PCCA: variants seen among roughly 807,000 people sequenced by gnomAD.
PCCA encodes the protein propionyl-CoA carboxylase subunit alpha.
A neutral mutation model predicts 101.3 loss-of-function variants in PCCA; 74 were observed. The observed-to-expected ratio is 0.73, with a 90% CI of 0.61 to 0.89. PCCA has a LOEUF of 0.89. PCCA is among the 40% of genes least tolerant of loss of function. PCCA has a pLI of 0.00. For synonymous variants in PCCA, 294 were observed against 313.6 expected, an observed-to-expected ratio of 0.94 and a Z score of 0.66; for missense variants, 891 against 907.0, an observed-to-expected ratio of 0.98 and a Z score of 0.23.
At chr13:100,495,114 T>C (rs2085184016) in intron 21 of PCCA, among the ~76,000 whole-genome samples, 2 of 151,960 alleles carry the variant, frequency 1.3e-5, no homozygotes, top group African/African-American at 4.8e-5. Context: ...GGGAGTGCTA[T>C]GGCATCTAGT....
intron 21 of PCCA, chr13:100,491,718 C>T (rs1275667782): frequency 1.5e-6 from 2 of 1,301,502 alleles, no homozygotes; most frequent in Admixed American, 2.3e-5. Flanking sequence ...GTGGCTGGCT[C>T]AGCAGGAGGC....
chr13:100,454,145 A>G (rs1270069856), intron 21 of PCCA, among the ~76,000 whole-genome samples: 1 of 151,842 alleles, frequency 6.6e-6, no homozygotes, highest in Non-Finnish European at 1.5e-5. Flanking sequence ...AAGTGCTGGG[A>G]TTACAGGCGT....
intron 20 of PCCA, among the ~76,000 whole-genome samples, chr13:100,437,666 A>G (rs2080042209): frequency 6.6e-6 from 1 of 151,996 alleles, no homozygotes. Flanking sequence ...GTTTTAATTA[A>G]TTAGCTCTTT....
rs747593363 is a variant in PCCA, at chr13:100,530,152, G to A, written c.2173G>A (p.Val725Met). 17 of 1,613,572 alleles carry A rather than the reference G, an allele frequency of 1.1e-5. No homozygotes were observed. Among genetic ancestry groups the A allele is most frequent in the South Asian group, 4.4e-5 (4 of 91,068 alleles). Residue 725 changes from valine to methionine, a missense_variant, in exon 24 of 24, where the codon GTG (valine) becomes ATG (methionine). Coordinates refer to ENST00000376285, the MANE Select transcript of PCCA (RefSeq NM_000282.4). ...GDTVGEGDLL[V>M]ELE ...CACAGTTGGAGAAGGGGATCTGCTCGTGGAGCTGGAATGAAGGATTTATAA... is the reference window on the plus strand; with the variant it reads ...CACAGTTGGAGAAGGGGATCTGCTCATGGAGCTGGAATGAAGGATTTATAA...
chr13:100,173,465 A>AGGTGCC (rs2055916230), intron 6 of PCCA, among the ~76,000 whole-genome samples: 18 of 152,228 alleles, frequency 1.2e-4, no homozygotes, highest in Admixed American at 1.2e-3. Context: ...GATAGAAGAT[A>AGGTGCC]AAACAGCTCT....
chr13:100,520,141 G>A (rs1475673394), intron 22 of PCCA, among the ~76,000 whole-genome samples: 1 of 152,170 alleles, frequency 6.6e-6, no homozygotes, highest in Admixed American at 6.5e-5. Context: ...GAAAGTTACA[G>A]AGAAGAATCC....
At chr13:100,127,819 G>C (rs948236139) in intron 4 of PCCA, among the ~76,000 whole-genome samples, 34 of 152,182 alleles carry the variant, frequency 2.2e-4, no homozygotes, top group Admixed American at 1.8e-3. Context: ...GTGAACCTGA[G>C]AAGCAGAGCT....
At chr13:100,309,157 G>A (rs1437591710) in intron 15 of PCCA, among the ~76,000 whole-genome samples, 2 of 152,188 alleles carry the variant, frequency 1.3e-5, no homozygotes, top group Non-Finnish European at 2.9e-5. Context: ...CACTTTGGGA[G>A]GCTGAGGTAG....
At chr13:100,484,171 A>G (rs2084177404) in intron 21 of PCCA, among the ~76,000 whole-genome samples, 1 of 152,138 alleles carries the variant, frequency 6.6e-6, no homozygotes, top group Admixed American at 6.5e-5. Context: ...TCTCCGGCTC[A>G]GTATGACTAT....
chr13:100,216,127 G>T (rs921306942), intron 7 of PCCA, among the ~76,000 whole-genome samples: 2 of 147,802 alleles, frequency 1.4e-5, no homozygotes, highest in African/African-American at 5.0e-5. Context: ...CCTTTTTTGG[G>T]TTTAATCCAT....
rs868315385 is a variant in PCCA, at chr13:100,143,552, A to T, written c.301-11427A>T. On this transcript the variant is annotated intron_variant, in intron 4 of 23. Transcript: ENST00000376285. Reference sequence around the variant, plus strand: ...TCTGCATCCACAAAAAAAAAAAAATAAAAAAAAAAAATAAAAATCTTTATT... The same window carrying T: ...TCTGCATCCACAAAAAAAAAAAAATTAAAAAAAAAAATAAAAATCTTTATT... Among the ~76,000 whole-genome samples the T allele has an allele frequency of 1.1e-3, 120 of 109,588 alleles. 1 individual carries two copies. Among genetic ancestry groups the T allele is most frequent in the African/African-American group, 7.2e-3 (110 of 15,316 alleles). The allele number at this position is 109,588 out of a possible 152,430, so 71.9% of individuals were successfully genotyped here. A position where few individuals can be genotyped will look rare whatever the true frequency, so the allele number is the denominator to read the frequency against.
At chr13:100,167,902 G>A (rs1332728896) in intron 6 of PCCA, among the ~76,000 whole-genome samples, 3 of 152,034 alleles carry the variant, frequency 2.0e-5, no homozygotes, top group African/African-American at 7.3e-5. Flanking sequence ...GAGTAGCTGG[G>A]ATTATAGGCG....
intron 22 of PCCA, among the ~76,000 whole-genome samples, chr13:100,523,061 C>T (rs752548320): frequency 2.0e-5 from 3 of 152,070 alleles, no homozygotes; most frequent in East Asian, 1.9e-4. Context: ...TTTCTTTGAG[C>T]GTTCTTCGTG....
At position 100,341,957 on chromosome 13, in the gene PCCA, GTATATATATA is replaced by G. The variant is rs35822001; in HGVS notation, c.1643+1714_1643+1723del. Among the ~76,000 whole-genome samples the G allele has an allele frequency of 2.8e-3, 305 of 107,150 alleles. 11 individuals are homozygous for G. Among genetic ancestry groups the G allele is most frequent in the African/African-American group, 0.011 (267 of 23,368 alleles). 70.3% of individuals were successfully genotyped at this position (107,150 alleles called of 152,430 possible). A position where few individuals can be genotyped will look rare whatever the true frequency, so the allele number is the denominator to read the frequency against. On this transcript the variant is annotated intron_variant, in intron 18 of 23. Coordinates refer to ENST00000376285, the MANE Select transcript of PCCA (RefSeq NM_000282.4). ...TAATGTTTTGGTAGAACCCTTCAAAGTATATATATATATATATATATATATGTATTTATGT... is the reference window on the plus strand; with the variant it reads ...TAATGTTTTGGTAGAACCCTTCAAAGTATATATATATATATGTATTTATGT...
At chr13:100,267,489 A>T (rs2063021332) in intron 10 of PCCA, among the ~76,000 whole-genome samples, 1 of 152,204 alleles carries the variant, frequency 6.6e-6, no homozygotes, top group Non-Finnish European at 1.5e-5. Context: ...AGCCATATCA[A>T]ATATTAAGAT....
At chr13:100,327,231 A>G (rs1435549357) in intron 16 of PCCA, among the ~76,000 whole-genome samples, 1 of 151,686 alleles carries the variant, frequency 6.6e-6, no homozygotes, top group African/African-American at 2.4e-5. Flanking sequence ...CCCTCCCTCT[A>G]CCCCTTTCCC....
intron 12 of PCCA, among the ~76,000 whole-genome samples, chr13:100,283,430 A>T (rs907815165): frequency 1.3e-5 from 2 of 152,184 alleles, no homozygotes; most frequent in African/African-American, 4.8e-5. Context: ...TTATTCAATG[A>T]TGTCCGCCAT....
chr13:100,488,010 A>G (rs1392617520), intron 21 of PCCA, among the ~76,000 whole-genome samples: 1 of 152,040 alleles, frequency 6.6e-6, no homozygotes, highest in East Asian at 1.9e-4. Context: ...GATTACAGGT[A>G]TGGCCACTGT....
intron 20 of PCCA, among the ~76,000 whole-genome samples, chr13:100,442,447 A>G (rs962873119): frequency 1.3e-5 from 2 of 152,240 alleles, no homozygotes; most frequent in African/African-American, 4.8e-5. Context: ...ATTCATTGAT[A>G]CAGTTTGTTT....
Sources: gnomAD v4.1 joint callset for allele counts (sites outside exome capture counted in the v4.1 genomes callset) on GRCh38, gnomAD v4.1.1 for gene constraint, MANE v1.5 for transcripts, NCBI Gene and HGNC (gene_info 2026-07-23, HGNC 2026-07-21) for gene names.